Variants in WDR64 observed in about 807,000 individuals in gnomAD.
WDR64 encodes WD repeat-containing protein 64.
Under a neutral mutation model 139.3 loss-of-function variants are expected in WDR64, and 112 were observed. The observed-to-expected ratio is 0.80, with a 90% CI of 0.69 to 0.94. WDR64 has a LOEUF of 0.94. Among genes scored for constraint, WDR64 ranks in the 40% least tolerant of loss-of-function variants. WDR64 has a pLI of 0.00. For missense variants in WDR64, 1,206 were observed against 1,293.1 expected, an observed-to-expected ratio of 0.93 and a Z score of 1.03; for synonymous variants, 444 against 437.7, an observed-to-expected ratio of 1.01 and a Z score of -0.18.
chr1:241,780,160 C>A, intron 22 of WDR64, 98 bp downstream of exon 22: 1 of 1,043,980 alleles, frequency 9.6e-7, no homozygotes, highest in Non-Finnish European at 1.4e-6. Context: ...ATACAAGACT[C>A]TCTGTTGTCA....
chr1:241,741,978 G>A (rs1410592578), intron 12 of WDR64, among the ~76,000 whole-genome samples: 1 of 152,038 alleles, frequency 6.6e-6, no homozygotes, highest in African/African-American at 2.4e-5. Context: ...AAAGGAGTAC[G>A]GGAAGAGGAT....
chr1:241,716,904 G>C (rs1668426138), intron 9 of WDR64, among the ~76,000 whole-genome samples: 2 of 152,298 alleles, frequency 1.3e-5, no homozygotes, highest in South Asian at 4.1e-4. Context: ...AAGAGGCCTA[G>C]ATATTTCTCA....
chr1:241,652,859 C>T (rs1665417696), intron 1 of WDR64, among the ~76,000 whole-genome samples: 1 of 152,064 alleles, frequency 6.6e-6, no homozygotes, highest in African/African-American at 2.4e-5. Flanking sequence ...CTTCTCTGAA[C>T]CGAAGTTGCT....
At chr1:241,658,295 G>GTC (rs1665687348) in intron 1 of WDR64, among the ~76,000 whole-genome samples, 1 of 151,524 alleles carries the variant, frequency 6.6e-6, no homozygotes, top group African/African-American at 2.4e-5. Context: ...GTGTGTGTGT[G>GTC]TGTGTGTGTG....
intron 13 of WDR64, among the ~76,000 whole-genome samples, chr1:241,747,294 G>A (rs1383289117): frequency 6.6e-6 from 1 of 152,122 alleles, no homozygotes; most frequent in Non-Finnish European, 1.5e-5. Context: ...ACGAGTGCAC[G>A]TAAAAAACTG....
chr1:241,707,878 C>A (rs1013080138), intron 8 of WDR64, among the ~76,000 whole-genome samples: 1 of 152,200 alleles, frequency 6.6e-6, no homozygotes, highest in African/African-American at 2.4e-5. Flanking sequence ...AGTGACTTTT[C>A]TAAAGTCATA....
chr1:241,771,941 CATACATATATATATATATATATATAT>C (rs1271488515), intron 19 of WDR64, among the ~76,000 whole-genome samples: 3 of 28,968 alleles, frequency 1.0e-4, no homozygotes, highest in African/African-American at 1.5e-4. Flanking sequence ...TACATACATA[CATACATATATATATATATATATATAT>C]ATATATATAT....
At position 241,784,953 on chromosome 1, in the gene WDR64, G is replaced by GGAAAAAAAAAAAAAAAA. The variant is rs766802128; in HGVS notation, c.2705+1572_2705+1573insGAAAAAAAAAAAAAAAA. Among the ~76,000 whole-genome samples the GGAAAAAAAAAAAAAAAA allele has an allele frequency of 1.4e-3, 89 of 62,234 alleles. 19 individuals are homozygous for GGAAAAAAAAAAAAAAAA. The highest frequency in any genetic ancestry group is 3.0e-3 in the East Asian group (5 of 1,646). The allele number at this position is 62,234 out of a possible 152,430, so 40.8% of individuals were successfully genotyped here. A position where few individuals can be genotyped will look rare whatever the true frequency, so the allele number is the denominator to read the frequency against. ...TGGGCGACAGAGTGAGACTCTGTCT[G>GGAAAAAAAAAAAAAAAA]AAAAAAAAAAAAAAAAAAAAAAAGA... On this transcript the variant is annotated intron_variant, in intron 23 of 27. Coordinates refer to ENST00000437684, the MANE Select transcript of WDR64 (RefSeq NM_001367482.1).
chr1:241,796,350 G>A lies in WDR64; in HGVS notation c.3172G>A (p.Gly1058Ser). The change falls in exon 27 of 28, where the codon GGT becomes AGT. Residue 1058 changes from glycine to serine, a missense_variant. Transcript: ENST00000437684. ...TGGCATTACAGGAAAGAAGAAGGGA[G>A]GTCATGTTCAACGTGAAAAAGTAAG... Reference protein sequence around the residue: ...SDGITGKKKGGHVQREKAPRR... With the variant: ...SDGITGKKKGSHVQREKAPRR... 2 of 1,612,902 alleles carry A rather than the reference G, an allele frequency of 1.2e-6. No individual in the cohort carries two copies. The highest frequency in any genetic ancestry group is 1.7e-6 in the Non-Finnish European group (2 of 1,179,268).
In WDR64 at chr1:241,741,500, C is replaced by A. The variant is rs2148244293; in HGVS notation, c.1322-16C>A. On this transcript the variant is annotated splice_polypyrimidine_tract_variant and intron_variant, in intron 11 of 27. Transcript: ENST00000437684. ...TCTAATATTGCATATTTATGAGATT[C>A]TTACTTCTGTTCCAGGATCTAGTGT... The A allele has an allele frequency of 1.3e-6, 2 of 1,580,824 alleles. No homozygotes were observed. Among genetic ancestry groups the A allele is most frequent in the South Asian group, 1.2e-5 (1 of 84,824 alleles).
intron 8 of WDR64, among the ~76,000 whole-genome samples, chr1:241,699,589 G>T (rs1667629680): frequency 1.3e-5 from 2 of 152,122 alleles, no homozygotes; most frequent in Admixed American, 6.6e-5. Context: ...AGGGGTGGGT[G>T]GGGGGAACTG....
chr1:241,762,682 A>G (rs922754402), intron 15 of WDR64, among the ~76,000 whole-genome samples: 2 of 152,136 alleles, frequency 1.3e-5, no homozygotes, highest in Non-Finnish European at 2.9e-5. Context: ...CAATTGAGAA[A>G]AGTCTTCAGT....
chr1:241,747,043 G>C (rs1481071781), intron 13 of WDR64, among the ~76,000 whole-genome samples: 10 of 152,176 alleles, frequency 6.6e-5, no homozygotes, highest in Admixed American at 6.5e-4. Context: ...TTACAGGCGT[G>C]AGCCACCGCA....
intron 15 of WDR64, among the ~76,000 whole-genome samples, chr1:241,765,807 G>A (rs1169748685): frequency 5.3e-5 from 8 of 152,114 alleles, no homozygotes; most frequent in Admixed American, 6.6e-5. Flanking sequence ...AATTGAAAAA[G>A]ATCTTAATGA....
intron 10 of WDR64, among the ~76,000 whole-genome samples, chr1:241,728,273 C>T (rs1668927607): frequency 6.6e-6 from 1 of 151,516 alleles, no homozygotes; most frequent in Non-Finnish European, 1.5e-5. Flanking sequence ...GTGGAGGTTG[C>T]AGAGAGCCGA....
At chr1:241,699,793 G>A (rs1375956018) in intron 8 of WDR64, among the ~76,000 whole-genome samples, 1 of 152,162 alleles carries the variant, frequency 6.6e-6, no homozygotes, top group Non-Finnish European at 1.5e-5. Flanking sequence ...TTGGAGAACT[G>A]AGTGAGAGAA....
intron 11 of WDR64, among the ~76,000 whole-genome samples, chr1:241,740,807 A>G (rs1394971052): frequency 1.3e-5 from 2 of 152,070 alleles, no homozygotes; most frequent in African/African-American, 4.8e-5. Context: ...CTGGGATTAC[A>G]GGCACCCACC....
At chr1:241,733,267 G>T (rs1669163516) in intron 10 of WDR64, among the ~76,000 whole-genome samples, 2 of 152,080 alleles carry the variant, frequency 1.3e-5, no homozygotes, top group Non-Finnish European at 2.9e-5. Context: ...CTGAAGTCAG[G>T]AGTTTAAGAC....
chr1:241,787,435 C>A (rs892510040), intron 23 of WDR64, among the ~76,000 whole-genome samples: 1 of 150,976 alleles, frequency 6.6e-6, no homozygotes, highest in South Asian at 2.1e-4. Context: ...GAGGCCAAGG[C>A]GGGCAGATCA....
Sources: gnomAD v4.1 joint callset for allele counts (sites outside exome capture counted in the v4.1 genomes callset) on GRCh38, gnomAD v4.1.1 for gene constraint, MANE v1.5 for transcripts, NCBI Gene and HGNC (gene_info 2026-07-23, HGNC 2026-07-21) for gene names.